The following GALNT16 variants were observed in gnomAD, a reference collection of about 807,000 sequenced individuals.
GALNT16 encodes the protein UDP-GalNAc:polypeptide N-acetylgalactosaminyltransferase-like protein 1.
In GALNT16, 40 loss-of-function variants were observed where a neutral mutation model predicts 76.1. That is an observed-to-expected ratio of 0.53 (90% CI 0.41 to 0.68). The LOEUF (loss-of-function observed/expected upper bound fraction) is 0.68. Among genes scored for constraint, GALNT16 ranks in the 30% least tolerant of loss-of-function variants. The probability of loss-of-function intolerance (pLI) is 0.00; values close to 1 mark genes in which losing one functional copy is unlikely to be tolerated. For missense variants in GALNT16, 621 were observed against 731.9 expected (o/e 0.85, Z 1.75); for synonymous variants, 276 against 285.2 (o/e 0.97, Z 0.32).
intron 12 of GALNT16, 113 bp downstream of exon 12, chr14:69,341,877 C>T: frequency 1.4e-6 from 1 of 695,660 alleles, no homozygotes; most frequent in Non-Finnish European, 2.6e-6. Flanking sequence ...ATCTGGCTTT[C>T]TAGCTGCCGG....
At chr14:69,336,871 C>T (rs116971746) in intron 9 of GALNT16, among the ~76,000 whole-genome samples, 1 of 152,084 alleles carries the variant, frequency 6.6e-6, no homozygotes, top group East Asian at 1.9e-4. Context: ...ACTACAGGTG[C>T]ATGCCGCCAC....
chr14:69,331,605 C>G, intron 7 of GALNT16, 54 bp downstream of exon 7: 1 of 1,024,588 alleles, frequency 9.8e-7, no homozygotes, highest in Non-Finnish European at 1.6e-6. Flanking sequence ...GTAGGTGAGG[C>G]TAGGCAGGCA....
At chr14:69,263,364 G>A (rs971285948) in intron 1 of GALNT16, among the ~76,000 whole-genome samples, 28 of 152,196 alleles carry the variant, frequency 1.8e-4, no homozygotes, top group African/African-American at 6.8e-4. Flanking sequence ...AACTTAAAAG[G>A]GGCAGGTGCA....
intron 1 of GALNT16, among the ~76,000 whole-genome samples, chr14:69,279,171 A>G (rs1423803517): frequency 6.6e-6 from 1 of 152,154 alleles, no homozygotes; most frequent in East Asian, 1.9e-4. Context: ...ACCTCAGGTG[A>G]TCTGCCCACC....
At chr14:69,280,687 A>C (rs2044529238) in intron 1 of GALNT16, among the ~76,000 whole-genome samples, 1 of 152,162 alleles carries the variant, frequency 6.6e-6, no homozygotes, top group Admixed American at 6.5e-5. Flanking sequence ...ACCCCTAGAA[A>C]GTATACAATG....
Position 69,326,813 on chromosome 14 carries a change from G to T in GALNT16, c.568+786G>T, listed in dbSNP as rs1365062067. Among the ~76,000 whole-genome samples the T allele has an allele frequency of 3.9e-5, 6 of 152,328 alleles. No individual in the cohort carries two copies. In the East Asian group the frequency reaches 9.7e-4, roughly 25 times the overall value. On this transcript the variant is annotated intron_variant, in intron 5 of 14. Coordinates refer to ENST00000448469, the MANE Select transcript of GALNT16 (RefSeq NM_001168368.2). ...CCACTGTGCCTGTTGTACAGACAAG[G>T]GAACTGGGGTTTAAGGAGCTTCAGC...
chr14:69,263,708 G>A (rs912853182), intron 1 of GALNT16, among the ~76,000 whole-genome samples: 39 of 152,188 alleles, frequency 2.6e-4, no homozygotes, highest in Admixed American at 1.4e-3. Context: ...CATGGCAACC[G>A]TATGGCCAGA....
intron 5 of GALNT16, 74 bp downstream of exon 5, chr14:69,326,101 G>T (rs2045281255): frequency 1.7e-6 from 2 of 1,154,006 alleles, no homozygotes. Context: ...ACTCTCTCTT[G>T]GTGCCGTGGC....
intron 1 of GALNT16, among the ~76,000 whole-genome samples, chr14:69,315,368 G>A (rs1256945265): frequency 6.6e-6 from 1 of 152,238 alleles, no homozygotes; most frequent in East Asian, 1.9e-4. Flanking sequence ...AGACTGGGGA[G>A]GGAGGCAACT....
the GALNT16 span, among the ~76,000 whole-genome samples, chr14:69,363,327 C>T: frequency 4.6e-5 from 7 of 152,150 alleles, no homozygotes; most frequent in African/African-American, 1.7e-4. Flanking sequence ...AAGCTGCTGT[C>T]GGAAGGCCCC....
rs1207865229 is a variant in GALNT16 at position 69,322,977 on chromosome 14, TGTGTGC to T, written c.336-1713_336-1708del. On this transcript the variant is annotated intron_variant, in intron 2 of 14. Transcript: ENST00000448469. The stretch of plus-strand genomic sequence containing the variant: ...GTGTGTGTGTGTGTGTGTGTGTGTG[TGTGTGC>T]GCGCGCACGCGCGCACGCATGCACA... Among the ~76,000 whole-genome samples the T allele has an allele frequency of 1.4e-3, 47 of 34,264 alleles. 2 individuals are homozygous for T. Among genetic ancestry groups the T allele is most frequent in the African/African-American group, 4.0e-3 (15 of 3,778 alleles). 22.5% of individuals were successfully genotyped at this position (34,264 alleles called of 152,430 possible).
intron 1 of GALNT16, among the ~76,000 whole-genome samples, chr14:69,298,889 G>A (rs1463559868): frequency 6.6e-6 from 1 of 152,232 alleles, no homozygotes; most frequent in East Asian, 1.9e-4. Flanking sequence ...CAGCCAAGAG[G>A]GAGCTGCCTC....
chr14:69,313,067 A>G (rs889199743), intron 1 of GALNT16, among the ~76,000 whole-genome samples: 2 of 152,212 alleles, frequency 1.3e-5, no homozygotes, highest in Non-Finnish European at 2.9e-5. Context: ...TAAGAATAAG[A>G]GGAGCATTTG....
intron 1 of GALNT16, among the ~76,000 whole-genome samples, chr14:69,314,678 G>C (rs1147474): frequency 2.6e-5 from 4 of 152,274 alleles, no homozygotes; most frequent in African/African-American, 9.6e-5. Flanking sequence ...CAGAGATGTC[G>C]AATTATGTGC....
chr14:69,323,337 A>G (rs1011519563), intron 2 of GALNT16, among the ~76,000 whole-genome samples: 1 of 152,180 alleles, frequency 6.6e-6, no homozygotes, highest in Non-Finnish European at 1.5e-5. Context: ...AAGTAACATC[A>G]ATCCCAGAGG....
At chr14:69,263,356 C>G (rs760084137) in intron 1 of GALNT16, among the ~76,000 whole-genome samples, 1 of 152,244 alleles carries the variant, frequency 6.6e-6, no homozygotes, top group African/African-American at 2.4e-5. Context: ...CTTTGTTCAA[C>G]TTAAAAGGGG....
chr14:69,277,879 G>C (rs1321933542), intron 1 of GALNT16, among the ~76,000 whole-genome samples: 1 of 152,174 alleles, frequency 6.6e-6, no homozygotes, highest in Non-Finnish European at 1.5e-5. Context: ...ATCCTCTCCA[G>C]CACCTGTTGT....
At chr14:69,321,178 G>A (rs1430139686) in intron 2 of GALNT16, among the ~76,000 whole-genome samples, 1 of 152,208 alleles carries the variant, frequency 6.6e-6, no homozygotes, top group African/African-American at 2.4e-5. Context: ...AGGCGCTCTT[G>A]GGGCCTTACT....
intron 1 of GALNT16, among the ~76,000 whole-genome samples, chr14:69,315,943 G>T (rs2045093413): frequency 6.6e-6 from 1 of 152,138 alleles, no homozygotes; most frequent in Non-Finnish European, 1.5e-5. Context: ...TTGCACGCTT[G>T]GCAGTGCTGG....
Sources: gnomAD v4.1 joint callset for allele counts (sites outside exome capture counted in the v4.1 genomes callset) on GRCh38, gnomAD v4.1.1 for gene constraint, MANE v1.5 for transcripts, NCBI Gene and HGNC (gene_info 2026-07-23, HGNC 2026-07-21) for gene names.